SEM1: variants seen among roughly 807,000 people sequenced by gnomAD.
The protein encoded by SEM1 is SEM1 26S proteasome subunit.
SEM1 carries 3 observed loss-of-function variants against 12.7 expected under a neutral mutation model. The ratio of observed to expected loss-of-function variants is 0.24; its 90% confidence interval spans 0.11 to 0.61. The LOEUF (loss-of-function observed/expected upper bound fraction) is 0.61. Among genes scored for constraint, SEM1 ranks in the 20% least tolerant of loss-of-function variants. The pLI is 0.88. For missense variants in SEM1, 59 were observed against 81.3 expected (o/e 0.73, Z 1.06); for synonymous variants, 30 against 27.8 (o/e 1.08, Z -0.25).
chr7:96,609,278 A>T (rs533578792), intron 2 of SEM1, among the ~76,000 whole-genome samples: 1 of 152,260 alleles, frequency 6.6e-6, no homozygotes, highest in South Asian at 2.1e-4. Context: ...TATGACATAG[A>T]TGGTAGTGGT....
chr7:96,688,847 T>G lies in SEM1; in HGVS notation c.*77A>C. Reference sequence around the variant, plus strand: ...TAATGAAATAAACACATTTTTTTAGTGTCCCATCCTGGGTTCTCTGCCCTA... The same window carrying G: ...TAATGAAATAAACACATTTTTTTAGGGTCCCATCCTGGGTTCTCTGCCCTA... On this transcript the variant is annotated 3_prime_UTR_variant, in exon 3 of 3. Coordinates refer to ENST00000248566, the MANE Select transcript of SEM1 (RefSeq NM_006304.2). 1.3e-6 allele frequency: 1 copy of G among 778,218 alleles called. No homozygotes were observed. The highest frequency in any genetic ancestry group is 2.2e-6 in the Non-Finnish European group (1 of 458,728). The allele number at this position is 778,218 out of a possible 1,614,324, so 48.2% of individuals were successfully genotyped here. A position where few individuals can be genotyped will look rare whatever the true frequency, so the allele number is the denominator to read the frequency against.
At chr7:96,490,801 C>T (rs986609906) in intron 1 of SEM1, among the ~76,000 whole-genome samples, 1 of 151,918 alleles carries the variant, frequency 6.6e-6, no homozygotes, top group Non-Finnish European at 1.5e-5. Context: ...CTCAGGATCA[C>T]AATCAAAATT....
rs200577372 is a variant in SEM1 at position 96,510,488 on chromosome 7, CA to C, written c.171-3791del. 5.7e-4 allele frequency among the ~76,000 whole-genome samples: 86 copies of C among 152,200 alleles called. 1 individual carries two copies. In the East Asian group the frequency reaches 0.011, roughly 19 times the overall value. ...TATCTAAATATAGAAAAGGTACAGT[CA>C]AAAGACAGTATTATAATCTTATGGG... is the stretch of plus-strand genomic sequence containing the variant. On this transcript the variant is annotated intron_variant and NMD_transcript_variant, in intron 2 of 3. Coordinates refer to the SEM1 transcript ENST00000466986.
chr7:96,492,219 C>T (rs12670576), intron 1 of SEM1, among the ~76,000 whole-genome samples: 17,707 of 152,124 alleles, frequency 0.12, 1,064 homozygotes, highest in South Asian at 0.18. Flanking sequence ...ACCCATTAAA[C>T]AATAACTCTC....
At chr7:96,588,925 A>G (rs1210242280) in intron 2 of SEM1, among the ~76,000 whole-genome samples, 1 of 152,224 alleles carries the variant, frequency 6.6e-6, no homozygotes, top group African/African-American at 2.4e-5. Context: ...ATTTTTTTAA[A>G]TTGGCTTATA....
exon 4 of SEM1, chr7:96,483,711 A>G: frequency 1.0e-6 from 1 of 979,522 alleles, no homozygotes. Context: ...TTGTCATGTG[A>G]CCCACCCAGC....
chr7:96,602,368 A>G (rs771720611), intron 2 of SEM1, among the ~76,000 whole-genome samples: 1 of 152,208 alleles, frequency 6.6e-6, no homozygotes, highest in Non-Finnish European at 1.5e-5. Flanking sequence ...TCTGCATGGC[A>G]TCAGCAGCTG....
chr7:96,589,155 C>T (rs1806750021), intron 2 of SEM1, among the ~76,000 whole-genome samples: 1 of 152,160 alleles, frequency 6.6e-6, no homozygotes, highest in Non-Finnish European at 1.5e-5. Flanking sequence ...CCTGGTCTCT[C>T]AGCTCCTTCC....
intron 1 of SEM1, among the ~76,000 whole-genome samples, chr7:96,698,082 T>C (rs1403295519): frequency 6.6e-6 from 1 of 152,114 alleles, no homozygotes; most frequent in Non-Finnish European, 1.5e-5. Context: ...GTTGGTGAGC[T>C]TTCAGTTGTG....
At chr7:96,636,814 T>C (rs1175172223) in intron 2 of SEM1, among the ~76,000 whole-genome samples, 1 of 152,050 alleles carries the variant, frequency 6.6e-6, no homozygotes, top group Admixed American at 6.6e-5. Flanking sequence ...CTGTTTTACA[T>C]GGTGCCTGTT....
At chr7:96,597,144 C>T (rs1167665636) in intron 2 of SEM1, among the ~76,000 whole-genome samples, 1 of 152,168 alleles carries the variant, frequency 6.6e-6, no homozygotes, top group Non-Finnish European at 1.5e-5. Flanking sequence ...ACTGAGCATA[C>T]TGTCATAGTC....
chr7:96,670,049 G>A (rs11980129), downstream of SEM1, among the ~76,000 whole-genome samples: 783 of 152,206 alleles, frequency 5.1e-3, 8 homozygotes, highest in African/African-American at 0.017. Context: ...AGTAAATCAG[G>A]TGATTCTGAC....
intron 2 of SEM1, among the ~76,000 whole-genome samples, chr7:96,692,920 C>G (rs919998421): frequency 6.6e-6 from 1 of 151,698 alleles, no homozygotes; most frequent in Non-Finnish European, 1.5e-5. Flanking sequence ...ACTAGAAGAA[C>G]CAAAAGATGT....
chr7:96,535,829 A>G (rs1394826958), intron 2 of SEM1, among the ~76,000 whole-genome samples: 1 of 152,010 alleles, frequency 6.6e-6, no homozygotes, highest in Non-Finnish European at 1.5e-5. Context: ...CATGGTATAC[A>G]TGTACCACAT....
chr7:96,566,822 T>C (rs1335861247), intron 2 of SEM1, among the ~76,000 whole-genome samples: 1 of 151,682 alleles, frequency 6.6e-6, no homozygotes, highest in Non-Finnish European at 1.5e-5. Context: ...TATAAATCCA[T>C]CTGAAGTAAG....
At chr7:96,655,387 C>CATT (rs1432717561) in intron 2 of SEM1, among the ~76,000 whole-genome samples, 1 of 151,128 alleles carries the variant, frequency 6.6e-6, no homozygotes, top group Non-Finnish European at 1.5e-5. Context: ...TCAGTTATTT[C>CATT]ATTTTTTTGA....
intron 2 of SEM1, among the ~76,000 whole-genome samples, chr7:96,519,222 G>A (rs1196702058): frequency 6.6e-6 from 1 of 152,040 alleles, no homozygotes; most frequent in African/African-American, 2.4e-5. Flanking sequence ...AAGAAGGGAG[G>A]TAATATTTAC....
intron 2 of SEM1, among the ~76,000 whole-genome samples, chr7:96,581,070 G>C (rs147605386): frequency 2.6e-5 from 4 of 152,030 alleles, no homozygotes; most frequent in African/African-American, 9.7e-5. Context: ...ATGGTAATGC[G>C]TAGGTTTTCT....
chr7:96,629,033 G>A (rs1281313278), intron 2 of SEM1, among the ~76,000 whole-genome samples: 1 of 152,184 alleles, frequency 6.6e-6, no homozygotes, highest in Non-Finnish European at 1.5e-5. Context: ...TCCATTGTAT[G>A]TTGTTTGTTT....
Sources: gnomAD v4.1 joint callset for allele counts (sites outside exome capture counted in the v4.1 genomes callset) on GRCh38, gnomAD v4.1.1 for gene constraint, MANE v1.5 for transcripts, NCBI Gene and HGNC (gene_info 2026-07-23, HGNC 2026-07-21) for gene names.